The following CYTH1 variants were observed in gnomAD, a reference collection of about 807,000 sequenced individuals.
CYTH1 encodes the protein cytohesin 1.
A neutral mutation model predicts 61.8 loss-of-function variants in CYTH1; 18 were observed. The observed-to-expected ratio is 0.29, with a 90% CI of 0.20 to 0.43. CYTH1 has a LOEUF of 0.43. Among genes scored for constraint, CYTH1 ranks in the 20% least tolerant of loss-of-function variants. The pLI, the probability that CYTH1 is intolerant of heterozygous loss-of-function variation, is 1.00. For missense variants in CYTH1, 336 were observed against 510.5 expected (o/e 0.66, Z 3.29); for synonymous variants, 174 against 184.3 (o/e 0.94, Z 0.45).
intron 11 of CYTH1, among the ~76,000 whole-genome samples, chr17:78,685,753 G>A (rs766712390): frequency 3.9e-5 from 6 of 151,984 alleles, no homozygotes; most frequent in East Asian, 1.9e-4. Context: ...CCAAAGTGCC[G>A]CATTTCACAT....
At chr17:78,726,407 C>T (rs573083283) in intron 1 of CYTH1, among the ~76,000 whole-genome samples, 1 of 152,054 alleles carries the variant, frequency 6.6e-6, no homozygotes, top group East Asian at 1.9e-4. Flanking sequence ...GTGGAAGAGG[C>T]CCCCTGTCAG....
intron 11 of CYTH1, among the ~76,000 whole-genome samples, chr17:78,683,760 G>T (rs2092787934): frequency 6.6e-6 from 1 of 151,352 alleles, no homozygotes; most frequent in African/African-American, 2.5e-5. Flanking sequence ...GGGGCATGAG[G>T]TGAGGGCAAC....
chr17:78,726,104 C>T lies in CYTH1; in HGVS notation c.23-16372G>A, dbSNP rs1459862723. ...TGTCACCCAGGCTGGAGTGCAGTGG[C>T]GCGATCTCGGCTCACTGCAAGCTCT... On this transcript the variant is annotated intron_variant, in intron 1 of 13. Coordinates refer to ENST00000446868, the MANE Select transcript of CYTH1 (RefSeq NM_004762.6). 4.2e-5 allele frequency among the ~76,000 whole-genome samples: 6 copies of T among 142,834 alleles called. No homozygotes were observed. In the East Asian group the frequency reaches 6.3e-4, roughly 15 times the overall value. The allele number at this position is 142,834 out of a possible 152,430, so 93.7% of individuals were successfully genotyped here.
chr17:78,742,056 G>A (rs1382862175), intron 1 of CYTH1, among the ~76,000 whole-genome samples: 1 of 152,214 alleles, frequency 6.6e-6, no homozygotes, highest in Non-Finnish European at 1.5e-5. Flanking sequence ...CACTTCTACT[G>A]TTGGGCATTA....
chr17:78,691,283 G>A (rs1044672732), intron 11 of CYTH1: 5 of 152,240 alleles, frequency 3.3e-5, no homozygotes, highest in Non-Finnish European at 7.3e-5. Context: ...GATGGGCTAC[G>A]AAGTGCATTC....
Position 78,695,437 on chromosome 17 carries a change from T to C in CYTH1, c.814+570A>G, listed in dbSNP as rs139054512. On this transcript the variant is annotated intron_variant, in intron 10 of 13. Transcript: ENST00000446868. ...AGTTTAGGAAATACCATTTCCCCTT[T>C]TCGTGCAAAGGCAAATGTCTTAAGT... Among the ~76,000 whole-genome samples the C allele has an allele frequency of 2.2e-3, 334 of 152,314 alleles. 2 individuals are homozygous for C. Among genetic ancestry groups the C allele is most frequent in the African/African-American group, 7.5e-3 (311 of 41,572 alleles).
intron 1 of CYTH1, among the ~76,000 whole-genome samples, chr17:78,760,876 A>G (rs921519035): frequency 2.2e-4 from 34 of 152,058 alleles, no homozygotes; most frequent in African/African-American, 7.5e-4. Flanking sequence ...AGTCAACCAT[A>G]AGTCAGAGAC....
intron 1 of CYTH1, among the ~76,000 whole-genome samples, chr17:78,733,141 T>G (rs374191998): frequency 2.0e-5 from 3 of 151,340 alleles, no homozygotes; most frequent in African/African-American, 4.9e-5. Context: ...AGGACAGCAT[T>G]TTAGAAGCAA....
In CYTH1 at chr17:78,760,519, A is replaced by ATG. The variant is rs1431567763; in HGVS notation, c.22+21682_22+21683insCA. ...TATACATATATATGTATATATATGTATATATATATATACATACATATATAT... is the reference window on the plus strand; with the variant it reads ...TATACATATATATGTATATATATGTATGTATATATATATACATACATATATAT... On this transcript the variant is annotated intron_variant, in intron 1 of 13. Coordinates refer to ENST00000446868, the MANE Select transcript of CYTH1 (RefSeq NM_004762.6). Among the ~76,000 whole-genome samples, 4 of 47,602 alleles carry ATG rather than the reference A, an allele frequency of 8.4e-5. 1 individual carries two copies. The highest frequency in any genetic ancestry group is 3.0e-4 in the African/African-American group (3 of 9,840). 31.2% of individuals were successfully genotyped at this position (47,602 alleles called of 152,430 possible). A position where few individuals can be genotyped will look rare whatever the true frequency, so the allele number is the denominator to read the frequency against.
chr17:78,752,439 C>T (rs536782627), intron 1 of CYTH1, among the ~76,000 whole-genome samples: 1 of 150,694 alleles, frequency 6.6e-6, no homozygotes, highest in Non-Finnish European at 1.5e-5. Context: ...GGACAGAGAA[C>T]TTCTTTTTTT....
intron 13 of CYTH1, among the ~76,000 whole-genome samples, chr17:78,679,616 G>A (rs576345046): frequency 6.6e-5 from 10 of 152,300 alleles, no homozygotes; most frequent in East Asian, 3.9e-4. Context: ...CTTACATGGC[G>A]TGGCCCAGTG....
intron 3 of CYTH1, 68 bp from the exon 4 acceptor site, chr17:78,702,672 ATTTC>A: frequency 6.8e-7 from 1 of 1,462,680 alleles, no homozygotes; most frequent in Non-Finnish European, 9.6e-7. Flanking sequence ...GACTAATATG[ATTTC>A]CACTGATTTA....
chr17:78,680,435 C>A, intron 12 of CYTH1, 91 bp from the exon 13 acceptor site: 1 of 1,368,550 alleles, frequency 7.3e-7, no homozygotes, highest in South Asian at 1.5e-5. Context: ...CCCCTTTCTT[C>A]TGACCTTCAC....
chr17:78,782,268 C>A lies in CYTH1; in HGVS notation c.-45G>T, dbSNP rs774224547. The A allele has an allele frequency of 1.7e-6, 2 of 1,209,992 alleles. No individual in the cohort carries two copies. Among genetic ancestry groups the A allele is most frequent in the South Asian group, 2.2e-5 (1 of 45,604 alleles). 75.0% of individuals were successfully genotyped at this position (1,209,992 alleles called of 1,614,324 possible). On this transcript the variant is annotated 5_prime_UTR_variant, in exon 1 of 14. Transcript: ENST00000446868. ...GCGCTCCGGCTCGCCGCTCGCGTCC[C>A]GCCGCGCCACCCGCGCCCCCGCTCG... is the stretch of plus-strand genomic sequence containing the variant.
Position 78,774,852 on chromosome 17 carries a change from G to T in CYTH1, c.22+7350C>A, listed in dbSNP as rs2093484838. Among the ~76,000 whole-genome samples, 3 of 152,150 alleles carry T rather than the reference G, an allele frequency of 2.0e-5. No homozygotes were observed. The South Asian group carries it at 6.2e-4, about 31-fold the overall frequency. On this transcript the variant is annotated intron_variant, in intron 1 of 13. Coordinates refer to ENST00000446868, the MANE Select transcript of CYTH1 (RefSeq NM_004762.6). ...CATGTGAAATGTTCCCAAATCTTGAGTAGACACTCAAGATTATGCCTGTGA... is the reference window on the plus strand; with the variant it reads ...CATGTGAAATGTTCCCAAATCTTGATTAGACACTCAAGATTATGCCTGTGA...
chr17:78,708,291 G>A lies in CYTH1; in HGVS notation c.106-30C>T, dbSNP rs376561238. Reference sequence around the variant, plus strand: ...AAAACAGACAGTCCAGAGTCAGCAGGAAAGGCAGATGCAGATCAAATTAAA... The same window carrying A: ...AAAACAGACAGTCCAGAGTCAGCAGAAAAGGCAGATGCAGATCAAATTAAA... On this transcript the variant is annotated intron_variant, in intron 2 of 13. Transcript: ENST00000446868. 436 of 1,591,654 alleles carry A rather than the reference G, an allele frequency of 2.7e-4. 2 individuals are homozygous for A. The highest frequency in any genetic ancestry group is 2.5e-3 in the Middle Eastern group (15 of 6,034).
At chr17:78,759,358 C>T (rs1018774854) in intron 1 of CYTH1, among the ~76,000 whole-genome samples, 2 of 152,166 alleles carry the variant, frequency 1.3e-5, no homozygotes, top group Non-Finnish European at 2.9e-5. Flanking sequence ...CTCTTTCATC[C>T]AACGGGGTAG....
At chr17:78,682,922 A>C (rs1354669935) in intron 11 of CYTH1, among the ~76,000 whole-genome samples, 1 of 152,170 alleles carries the variant, frequency 6.6e-6, no homozygotes, top group Non-Finnish European at 1.5e-5. Flanking sequence ...GGTTTAAAAA[A>C]ATTATTTTGT....
chr17:78,698,801 A>C lies in CYTH1; in HGVS notation c.699+19T>G, dbSNP rs760719589. Reference sequence around the variant, plus strand: ...GAACTCTTTCTTGACTTGAATGAAGACCATTCTTCCTTGCTTACCCGGAGG... The same window carrying C: ...GAACTCTTTCTTGACTTGAATGAAGCCCATTCTTCCTTGCTTACCCGGAGG... On this transcript the variant is annotated intron_variant, in intron 8 of 13. Transcript: ENST00000446868. 1.0e-5 allele frequency: 16 copies of C among 1,551,418 alleles called. No homozygotes were observed. In the South Asian group the frequency reaches 2.0e-4, roughly 20 times the overall value.
Sources: allele counts gnomAD v4.1 joint callset (sites outside exome capture counted in the v4.1 genomes callset), GRCh38; gene constraint gnomAD v4.1.1; transcripts MANE v1.5; gene names NCBI Gene and HGNC (gene_info 2026-07-23, HGNC 2026-07-21).